SEC31A: variants seen among roughly 807,000 people sequenced by gnomAD.
SEC31A encodes SEC31 homolog A, COPII component, also known as protein transport protein Sec31A.
In SEC31A, 70 loss-of-function variants were observed where a neutral mutation model predicts 151.0. The ratio of observed to expected loss-of-function variants is 0.46; its 90% CI spans 0.38 to 0.57. SEC31A has a LOEUF of 0.57. Among genes scored for constraint, SEC31A ranks in the 20% least tolerant of loss-of-function variants. The pLI, the probability that SEC31A is intolerant of heterozygous loss-of-function variation, is 0.00. For missense variants in SEC31A, 1,330 were observed against 1,471.2 expected, an observed-to-expected ratio of 0.90 and a Z score of 1.57; for synonymous variants, 475 against 505.9, an observed-to-expected ratio of 0.94 and a Z score of 0.82.
chr4:82,875,836 C>A lies in SEC31A; in HGVS notation c.403-14G>T, dbSNP rs1036510217. 6.9e-7 allele frequency: 1 copy of A among 1,452,558 alleles called. No homozygotes were observed. The highest frequency in any genetic ancestry group is 9.6e-7 in the Non-Finnish European group (1 of 1,044,430). 90.0% of individuals were successfully genotyped at this position (1,452,558 alleles called of 1,614,324 possible). ...TACCAGATTAGTCTGCAAGAAGAAA[C>A]CATAACTAAATAGCACTTATGAATA... On this transcript the variant is annotated splice_polypyrimidine_tract_variant and intron_variant, in intron 4 of 26. Transcript: ENST00000395310.
At position 82,900,499 on chromosome 4, in the gene SEC31A, A is replaced by T. The variant is rs1720272367; in HGVS notation, c.-339T>A. The T allele has an allele frequency of 1.2e-5, 5 of 420,438 alleles. No individual in the cohort carries two copies. In the East Asian group the frequency reaches 2.2e-4, roughly 19 times the overall value. The allele number at this position is 420,438 out of a possible 1,614,324, so 26.0% of individuals were successfully genotyped here. On this transcript the variant is annotated 5_prime_UTR_variant, in exon 1 of 29. Transcript: ENST00000355196. The stretch of plus-strand genomic sequence containing the variant: ...ATTGTGCCAGAATGGGTGAAAACAG[A>T]AGGAAAATAAACCGGTTGCAGCAAA...
At chr4:82,889,637 G>A (rs1013480279) in intron 1 of SEC31A, among the ~76,000 whole-genome samples, 1 of 151,570 alleles carries the variant, frequency 6.6e-6, no homozygotes, top group Non-Finnish European at 1.5e-5. Flanking sequence ...ATTCCCGTAA[G>A]ACAGTGAAAT....
At chr4:82,866,031 T>C (rs1248550338) in intron 10 of SEC31A, among the ~76,000 whole-genome samples, 1 of 110,580 alleles carries the variant, frequency 9.0e-6, no homozygotes, top group Non-Finnish European at 1.8e-5. Context: ...AAAAGAAAGC[T>C]AAAAGGATGA....
chr4:82,851,419 A>C lies in SEC31A; in HGVS notation c.2328+12T>G. ...TTACTCAAACATTACAAAAATGGTC[A>C]ATTCTAATTACCTGGTTGGTGTTGT... On this transcript the variant is annotated intron_variant, in intron 19 of 26. Coordinates refer to ENST00000395310, the MANE Select transcript of SEC31A (RefSeq NM_001077207.4). 1 of 1,604,156 alleles carries C rather than the reference A, an allele frequency of 6.2e-7. No homozygotes were observed. Among genetic ancestry groups the C allele is most frequent in the Non-Finnish European group, 8.5e-7 (1 of 1,174,216 alleles).
chr4:82,868,686 C>G (rs1455419394), intron 8 of SEC31A, among the ~76,000 whole-genome samples: 3 of 152,010 alleles, frequency 2.0e-5, no homozygotes. Flanking sequence ...ATGTGACCTT[C>G]TTTTTCCTTT....
At chr4:82,885,444 A>G (rs1740469018) in intron 1 of SEC31A, among the ~76,000 whole-genome samples, 1 of 152,010 alleles carries the variant, frequency 6.6e-6, no homozygotes, top group African/African-American at 2.4e-5. Flanking sequence ...TTTAACTGTA[A>G]TTTTAAATAT....
At position 82,872,052 on chromosome 4, in the gene SEC31A, A is replaced by C. The variant is rs1486180500; in HGVS notation, c.674T>G (p.Val225Gly). Residue 225 changes from valine to glycine, a missense_variant, in exon 7 of 27, where the codon GTT (valine) becomes GGT (glycine). Coordinates refer to ENST00000395310, the MANE Select transcript of SEC31A (RefSeq NM_001077207.4). Reference sequence around the variant, plus strand: ...GGAGGCAAGGACCATCTGAGTAGCAACATCAGGATGCCATGCCAACCCAGA... The same window carrying C: ...GGAGGCAAGGACCATCTGAGTAGCACCATCAGGATGCCATGCCAACCCAGA... ...HCSGLAWHPD[V>G]ATQMVLASED... 1 of 1,614,148 alleles carries C rather than the reference A, an allele frequency of 6.2e-7. No individual in the cohort carries two copies. Among genetic ancestry groups the C allele is most frequent in the South Asian group, 1.1e-5 (1 of 91,084 alleles).
chr4:82,824,269 T>A (rs980575823), intron 25 of SEC31A, among the ~76,000 whole-genome samples: 5 of 152,196 alleles, frequency 3.3e-5, no homozygotes, highest in Non-Finnish European at 7.3e-5. Context: ...AATGGCGCGA[T>A]CTCGGCTCAT....
chr4:82,821,252 A>C, intron 25 of SEC31A, 144 bp from the exon 26 acceptor site: 1 of 670,534 alleles, frequency 1.5e-6, no homozygotes. Flanking sequence ...CAACTAAGAA[A>C]CTTGAACAGA....
intron 1 of SEC31A, among the ~76,000 whole-genome samples, chr4:82,886,666 C>T (rs755622464): frequency 1.3e-5 from 2 of 152,184 alleles, no homozygotes; most frequent in Non-Finnish European, 2.9e-5. Context: ...ATAATAAATT[C>T]AAGTTCCAGC....
intron 10 of SEC31A, among the ~76,000 whole-genome samples, chr4:82,866,137 G>A (rs1463435940): frequency 3.3e-5 from 5 of 151,796 alleles, no homozygotes; most frequent in Non-Finnish European, 7.4e-5. Flanking sequence ...GACAGAGGGA[G>A]GGAAAGAGAG....
At chr4:82,861,060 A>G (rs2149474468) in intron 14 of SEC31A, among the ~76,000 whole-genome samples, 1 of 142,108 alleles carries the variant, frequency 7.0e-6, no homozygotes, top group East Asian at 2.2e-4. Flanking sequence ...AGATTTGTTC[A>G]TTAGTGGTTA....
intron 22 of SEC31A, 84 bp downstream of exon 22, chr4:82,842,056 T>A: frequency 8.8e-7 from 1 of 1,137,106 alleles, no homozygotes; most frequent in Non-Finnish European, 1.2e-6. Flanking sequence ...TTACAAACAG[T>A]TAGAAATAAT....
intron 19 of SEC31A, among the ~76,000 whole-genome samples, chr4:82,851,132 AG>A (rs1280884183): frequency 6.6e-6 from 1 of 152,252 alleles, no homozygotes; most frequent in Non-Finnish European, 1.5e-5. Flanking sequence ...CTTTGTATGA[AG>A]AATCAGCATT....
chr4:82,819,010 A>ATT lies in SEC31A; in HGVS notation c.*62_*63dup, dbSNP rs879874627. On this transcript the variant is annotated 3_prime_UTR_variant, in exon 27 of 27. Coordinates refer to ENST00000395310, the MANE Select transcript of SEC31A (RefSeq NM_001077207.4). The stretch of plus-strand genomic sequence containing the variant: ...AATGAGGACTAGTCCATGTCTTATA[A>ATT]TTTTTTTTTTTAACATGTTTCTTTG... 4.0e-5 allele frequency: 47 copies of ATT among 1,169,446 alleles called. No individual in the cohort carries two copies. The highest frequency in any genetic ancestry group is 1.0e-4 in the South Asian group (6 of 57,566). The allele number at this position is 1,169,446 out of a possible 1,614,324, so 72.4% of individuals were successfully genotyped here.
At chr4:82,888,374 C>A (rs1038610121) in intron 1 of SEC31A, among the ~76,000 whole-genome samples, 978 of 10,380 alleles carry the variant, frequency 0.094, 34 homozygotes, top group East Asian at 0.14. Context: ...AAAAAAAAAA[C>A]ACACAAAAAA....
At chr4:82,889,036 A>G (rs1445640900) in intron 1 of SEC31A, among the ~76,000 whole-genome samples, 8 of 152,234 alleles carry the variant, frequency 5.3e-5, no homozygotes, top group Non-Finnish European at 1.2e-4. Flanking sequence ...TGCAGGCAAA[A>G]TATCTCAATA....
At chr4:82,873,301 T>G (rs1440583863) in intron 6 of SEC31A, among the ~76,000 whole-genome samples, 1 of 150,222 alleles carries the variant, frequency 6.7e-6, no homozygotes, top group Non-Finnish European at 1.5e-5. Flanking sequence ...GAGGTTGCAG[T>G]GCCATGATTG....
intron 17 of SEC31A, among the ~76,000 whole-genome samples, 191 bp downstream of exon 17, chr4:82,854,712 T>A (rs1375387717): frequency 2.1e-4 from 30 of 140,328 alleles, no homozygotes; most frequent in Middle Eastern, 3.6e-3. Flanking sequence ...CTAGTAGATT[T>A]AAAAAAAAAA....
Sources: gnomAD v4.1 joint callset for allele counts (sites outside exome capture counted in the v4.1 genomes callset) on GRCh38, gnomAD v4.1.1 for gene constraint, MANE v1.5 for transcripts, NCBI Gene and HGNC (gene_info 2026-07-23, HGNC 2026-07-21) for gene names.